The following CCDC63 variants were observed in gnomAD, a reference collection of about 807,000 sequenced individuals.
The protein encoded by CCDC63 is coiled-coil domain-containing protein 63.
A neutral mutation model predicts 63.6 loss-of-function variants in CCDC63; 54 were observed. The ratio of observed to expected loss-of-function variants is 0.85; its 90% confidence interval spans 0.68 to 1.07. CCDC63 has a LOEUF of 1.07. Among genes scored for constraint, CCDC63 ranks in the 50% least tolerant of loss-of-function variants. The pLI, the probability that CCDC63 is intolerant of heterozygous loss-of-function variation, is 0.00. For missense variants in CCDC63, 637 were observed against 689.6 expected (o/e 0.92, Z 0.86); for synonymous variants, 253 against 266.1 (o/e 0.95, Z 0.48).
intron 4 of CCDC63, among the ~76,000 whole-genome samples, chr12:110,867,791 G>A (rs1450901679): frequency 4.8e-5 from 7 of 146,382 alleles, no homozygotes; most frequent in East Asian, 2.0e-4. Context: ...GTGGCTGGCC[G>A]GGCTGAGGGG....
intron 8 of CCDC63, among the ~76,000 whole-genome samples, chr12:110,886,623 G>T (rs951025124): frequency 6.6e-6 from 1 of 152,130 alleles, no homozygotes; most frequent in Admixed American, 6.6e-5. Context: ...GGCCCAGGGG[G>T]TGGCAAATAC....
intron 2 of CCDC63, among the ~76,000 whole-genome samples, chr12:110,853,171 A>C (rs535547159): frequency 2.0e-5 from 3 of 152,186 alleles, no homozygotes; most frequent in African/African-American, 7.2e-5. Flanking sequence ...AGAACCCCAA[A>C]GAATACCCTC....
At chr12:110,906,424 C>G (rs1413227905) in intron 11 of CCDC63, among the ~76,000 whole-genome samples, 1 of 151,444 alleles carries the variant, frequency 6.6e-6, no homozygotes, top group Non-Finnish European at 1.5e-5. Context: ...TATAAGCCAC[C>G]TGTTACAGTG....
chr12:110,862,803 T>C, intron 4 of CCDC63, among the ~76,000 whole-genome samples: 2 of 151,958 alleles, frequency 1.3e-5, no homozygotes. Context: ...TCACCCAGAC[T>C]GGAGTGCAGT....
At chr12:110,882,521 G>A (rs1267124771) in intron 7 of CCDC63, among the ~76,000 whole-genome samples, 1 of 151,730 alleles carries the variant, frequency 6.6e-6, no homozygotes. Context: ...AGCAAGCTAT[G>A]ATTGCGCCAC....
intron 4 of CCDC63, among the ~76,000 whole-genome samples, chr12:110,860,642 TGTAGCG>T (rs2070841440): frequency 6.6e-6 from 1 of 152,132 alleles, no homozygotes; most frequent in South Asian, 2.1e-4. Context: ...CAGGCTGGAG[TGTAGCG>T]GCATGATCTT....
intron 8 of CCDC63, among the ~76,000 whole-genome samples, chr12:110,890,632 G>C (rs188857449): frequency 1.6e-5 from 2 of 124,876 alleles, no homozygotes; most frequent in African/African-American, 7.1e-5. Flanking sequence ...CACATAGACA[G>C]ACACACACAC....
At chr12:110,863,789 C>G (rs1284838494) in intron 4 of CCDC63, among the ~76,000 whole-genome samples, 1 of 152,218 alleles carries the variant, frequency 6.6e-6, no homozygotes. Context: ...GATCTGCCCA[C>G]CTCAGCCTCC....
At chr12:110,904,515 G>A (rs1455250244) in intron 10 of CCDC63, 73 bp from the exon 11 acceptor site, 3 of 1,333,882 alleles carry the variant, frequency 2.2e-6, no homozygotes, top group Non-Finnish European at 1.1e-6. Context: ...CCTCTGCAGT[G>A]GTGGCACCAC....
At chr12:110,873,709 A>G in intron 4 of CCDC63, 133 bp from the exon 5 acceptor site, 1 of 1,139,468 alleles carries the variant, frequency 8.8e-7, no homozygotes, top group Non-Finnish European at 1.2e-6. Context: ...GTCTGAGCAC[A>G]CTTCAGTTAG....
intron 4 of CCDC63, among the ~76,000 whole-genome samples, chr12:110,863,045 G>A (rs1304784230): frequency 6.6e-6 from 1 of 152,134 alleles, no homozygotes; most frequent in Non-Finnish European, 1.5e-5. Context: ...CATGAACCAC[G>A]GCGTCCAGCT....
At chr12:110,858,516 A>G (rs11065734) in intron 3 of CCDC63, 70 bp from the exon 4 acceptor site, 415,370 of 1,388,494 alleles carry the variant, frequency 0.3, 65,696 homozygotes, top group East Asian at 0.51. Flanking sequence ...TGCAGGGCTG[A>G]TGTGCCTGGA....
At chr12:110,862,342 C>T (rs759995125) in intron 4 of CCDC63, among the ~76,000 whole-genome samples, 26 of 152,336 alleles carry the variant, frequency 1.7e-4, no homozygotes, top group Middle Eastern at 3.4e-3. Context: ...GGCAAAGCCT[C>T]GTCCTCACAG....
chr12:110,885,599 C>T (rs1012587340), intron 8 of CCDC63, among the ~76,000 whole-genome samples: 2 of 152,146 alleles, frequency 1.3e-5, no homozygotes, highest in East Asian at 1.9e-4. Context: ...CATTTCCCTC[C>T]GCCACTGCCT....
At chr12:110,884,680 C>G (rs2136705845) in intron 8 of CCDC63, among the ~76,000 whole-genome samples, 1 of 151,586 alleles carries the variant, frequency 6.6e-6, no homozygotes, top group Non-Finnish European at 1.5e-5. Context: ...CCAGTGTCCC[C>G]TTACTTTTTA....
chr12:110,864,584 G>C (rs917839164), intron 4 of CCDC63, among the ~76,000 whole-genome samples: 1 of 151,900 alleles, frequency 6.6e-6, no homozygotes, highest in Non-Finnish European at 1.5e-5. Flanking sequence ...GTGCATGCCT[G>C]TGATCCCAGC....
rs766763794 is a variant in CCDC63 at position 110,904,797 on chromosome 12, TTC to T, written c.1546+17_1546+18del. 35 of 1,600,456 alleles carry T rather than the reference TTC, an allele frequency of 2.2e-5. No individual in the cohort carries two copies. The highest frequency in any genetic ancestry group is 1.7e-4 in the Middle Eastern group (1 of 5,970). On this transcript the variant is annotated splice_region_variant and intron_variant, in intron 11 of 11. Transcript: ENST00000308208. Reference sequence around the variant, plus strand: ...CAGCGACAGGTTGGATGATGGTGAGTTCTCTCTCTCTCAATCTGCACAGGTTG... The same window carrying T: ...CAGCGACAGGTTGGATGATGGTGAGTTCTCTCTCTCAATCTGCACAGGTTG...
chr12:110,890,489 A>C (rs1194539939), intron 8 of CCDC63, among the ~76,000 whole-genome samples: 1 of 152,136 alleles, frequency 6.6e-6, no homozygotes, highest in Non-Finnish European at 1.5e-5. Context: ...ATTATTATAC[A>C]CCTGTGGGAA....
chr12:110,853,545 C>T lies in CCDC63; in HGVS notation c.150C>T (p.Phe50=). The T allele has an allele frequency of 3.1e-6, 5 of 1,614,156 alleles. No homozygotes were observed. Among genetic ancestry groups the T allele is most frequent in the Non-Finnish European group, 4.2e-6 (5 of 1,180,028 alleles). ...KMVESRKSFK[F]RNQQKIASQY... is the part of the protein sequence containing the mutation. ...TGGAAAGCCGGAAGTCTTTTAAGTT[C>T]CGAAACCAGCAGAAGATTGCGAGTC... Residue 50 remains phenylalanine, a synonymous_variant, in exon 3 of 12, where the codon TTC becomes TTT. Coordinates refer to ENST00000308208, the MANE Select transcript of CCDC63 (RefSeq NM_152591.3).
Sources: gnomAD v4.1 joint callset for allele counts (sites outside exome capture counted in the v4.1 genomes callset) on GRCh38, gnomAD v4.1.1 for gene constraint, MANE v1.5 for transcripts, NCBI Gene and HGNC (gene_info 2026-07-23, HGNC 2026-07-21) for gene names.